Variants in RIT2 observed in about 807,000 individuals in gnomAD.
RIT2 encodes Ras like without CAAX 2.
RIT2 carries 24 observed loss-of-function variants against 23.7 expected under a neutral mutation model. The ratio of observed to expected loss-of-function variants is 1.01; its 90% CI spans 0.73 to 1.43. The LOEUF is 1.43. RIT2 is among the 40% of genes most tolerant of loss of function. RIT2 has a pLI of 0.00. For synonymous variants in RIT2, 107 were observed against 91.1 expected, an observed-to-expected ratio of 1.17 and a Z score of -0.99; for missense variants, 236 against 266.9, an observed-to-expected ratio of 0.88 and a Z score of 0.81.
intron 1 of RIT2, among the ~76,000 whole-genome samples, chr18:43,106,129 T>C (rs1913816737): frequency 6.6e-6 from 1 of 152,194 alleles, no homozygotes; most frequent in South Asian, 2.1e-4. Flanking sequence ...ACTTAATAAA[T>C]TAACATATTT....
intron 4 of RIT2, among the ~76,000 whole-genome samples, chr18:42,767,451 T>C (rs1444201558): frequency 1.3e-5 from 2 of 152,260 alleles, no homozygotes; most frequent in Non-Finnish European, 2.9e-5. Context: ...GGAATGGCTG[T>C]ATTTACCAAT....
chr18:43,022,977 T>C (rs1227662018), intron 2 of RIT2, among the ~76,000 whole-genome samples: 1 of 152,056 alleles, frequency 6.6e-6, no homozygotes, highest in Non-Finnish European at 1.5e-5. Flanking sequence ...CATAGTCTAT[T>C]TTGGAGTACA....
chr18:42,835,133 T>C (rs539430698), intron 4 of RIT2, among the ~76,000 whole-genome samples: 1 of 152,258 alleles, frequency 6.6e-6, no homozygotes, highest in South Asian at 2.1e-4. Context: ...GGTCAAAATG[T>C]TTCAGACAAG....
intron 3 of RIT2, among the ~76,000 whole-genome samples, chr18:42,930,269 CT>C (rs951556944): frequency 6.6e-6 from 1 of 151,614 alleles, no homozygotes. Flanking sequence ...GAAAGGGCCA[CT>C]GAAAGCAGGG....
chr18:42,768,609 C>G (rs1306546685), intron 4 of RIT2, among the ~76,000 whole-genome samples: 1 of 151,864 alleles, frequency 6.6e-6, no homozygotes, highest in African/African-American at 2.4e-5. Flanking sequence ...TTTTATTGTT[C>G]CTTTAATATT....
chr18:43,009,931 T>C (rs1429117410), intron 2 of RIT2, among the ~76,000 whole-genome samples: 1 of 151,686 alleles, frequency 6.6e-6, no homozygotes, highest in Non-Finnish European at 1.5e-5. Flanking sequence ...TCTGTCATGT[T>C]CCCCTTATTC....
intron 4 of RIT2, among the ~76,000 whole-genome samples, chr18:42,887,092 A>G (rs1483564497): frequency 6.6e-6 from 1 of 152,174 alleles, no homozygotes; most frequent in Non-Finnish European, 1.5e-5. Context: ...CATTTAATTC[A>G]TTTTGAAATG....
Position 43,093,154 on chromosome 18 carries a change from G to A in RIT2, c.103+22263C>T, listed in dbSNP as rs1027821433. ...AGTGGGAGAATTTATTTAAGAGCTG[G>A]AAAACATCTTGAGTTAAACTAATTC... On this transcript the variant is annotated intron_variant, in intron 1 of 4. Coordinates refer to ENST00000326695, the MANE Select transcript of RIT2 (RefSeq NM_002930.4). Among the ~76,000 whole-genome samples, 12 of 151,974 alleles carry A rather than the reference G, an allele frequency of 7.9e-5. 1 individual carries two copies. The highest frequency in any genetic ancestry group is 3.9e-4 in the Admixed American group (6 of 15,228).
chr18:43,109,331 T>G (rs1264370041), intron 1 of RIT2, among the ~76,000 whole-genome samples: 2 of 152,224 alleles, frequency 1.3e-5, no homozygotes, highest in Non-Finnish European at 2.9e-5. Flanking sequence ...TTCAGTTTAT[T>G]TGTGTTGTGT....
At chr18:43,075,361 A>C (rs2144340375) in intron 1 of RIT2, among the ~76,000 whole-genome samples, 1 of 152,266 alleles carries the variant, frequency 6.6e-6, no homozygotes, top group Non-Finnish European at 1.5e-5. Context: ...GCATGAACAG[A>C]GGTTATGCTG....
chr18:42,989,083 G>A (rs1429931136), intron 2 of RIT2, among the ~76,000 whole-genome samples: 19 of 152,184 alleles, frequency 1.2e-4, no homozygotes, highest in Admixed American at 1.2e-3. Flanking sequence ...GACATAATGT[G>A]TGGAATTCTA....
intron 4 of RIT2, among the ~76,000 whole-genome samples, chr18:42,786,811 GT>G (rs1479673167): frequency 6.6e-6 from 1 of 151,894 alleles, no homozygotes; most frequent in Admixed American, 6.6e-5. Flanking sequence ...ATCAAAACTC[GT>G]TTGTTCAGAT....
chr18:42,920,617 G>GT (rs1026888467), intron 4 of RIT2: 172 of 953,316 alleles, frequency 1.8e-4, no homozygotes, highest in East Asian at 3.8e-4. Context: ...TTGTCTTTTT[G>GT]TTTTTTTTCT....
chr18:42,808,395 A>AT (rs1189139803), intron 4 of RIT2, among the ~76,000 whole-genome samples: 3 of 152,258 alleles, frequency 2.0e-5, no homozygotes, highest in East Asian at 1.9e-4. Context: ...GTAAAGTCAT[A>AT]TTTTTTTGTA....
intron 3 of RIT2, among the ~76,000 whole-genome samples, chr18:42,953,293 C>T (rs1050635553): frequency 6.6e-6 from 1 of 151,974 alleles, no homozygotes; most frequent in Non-Finnish European, 1.5e-5. Flanking sequence ...AAAATTTCTC[C>T]TAAAACCTTA....
chr18:42,934,956 G>A (rs1909415326), intron 3 of RIT2, among the ~76,000 whole-genome samples: 1 of 152,002 alleles, frequency 6.6e-6, no homozygotes, highest in Admixed American at 6.6e-5. Flanking sequence ...CAAAATTTCT[G>A]GAAAATTAAA....
At chr18:42,745,206 C>G (rs1912889236) in intron 4 of RIT2, among the ~76,000 whole-genome samples, 2 of 152,120 alleles carry the variant, frequency 1.3e-5, no homozygotes, top group Non-Finnish European at 1.5e-5. Context: ...TATCAGTCCC[C>G]AGAATCCTGA....
At chr18:42,990,228 C>T (rs903751019) in intron 2 of RIT2, among the ~76,000 whole-genome samples, 2 of 151,986 alleles carry the variant, frequency 1.3e-5, no homozygotes, top group East Asian at 1.9e-4. Context: ...CAATGGCCCC[C>T]CAGTTCAAGC....
chr18:42,997,591 G>T (rs367581763), intron 2 of RIT2, among the ~76,000 whole-genome samples: 1 of 151,850 alleles, frequency 6.6e-6, no homozygotes, highest in South Asian at 2.1e-4. Flanking sequence ...TGCTAATCTC[G>T]TATCCCATAT....
Sources: allele counts gnomAD v4.1 joint callset (sites outside exome capture counted in the v4.1 genomes callset), GRCh38; gene constraint gnomAD v4.1.1; transcripts MANE v1.5; gene names NCBI Gene and HGNC (gene_info 2026-07-23, HGNC 2026-07-21).